The following PDE4B variants were observed in gnomAD, a reference collection of about 807,000 sequenced individuals.
PDE4B encodes the protein 3',5'-cyclic-AMP phosphodiesterase 4B.
In PDE4B, 20 loss-of-function variants were observed where a neutral mutation model predicts 82.2. That is an observed-to-expected ratio of 0.24 (90% CI 0.17 to 0.35). The LOEUF (loss-of-function observed/expected upper bound fraction) is 0.35, where lower values mean the gene tolerates loss of function less well. Ranked by LOEUF, PDE4B falls within the 10% of genes least tolerant of loss-of-function variation. The pLI is 1.00. For missense variants in PDE4B, 655 were observed against 907.2 expected (o/e 0.72, Z 3.57); for synonymous variants, 320 against 318.9 (o/e 1.00, Z -0.04).
Position 66,001,618 on chromosome 1 carries a change from C to T in PDE4B, c.281+82783C>T, listed in dbSNP as rs1368629691. Reference sequence around the variant, plus strand: ...TATGAATAAAGGTGATATAAACATTCATGTATGGTTTTCTGGGTAAACATA... The same window carrying T: ...TATGAATAAAGGTGATATAAACATTTATGTATGGTTTTCTGGGTAAACATA... On this transcript the variant is annotated intron_variant, in intron 3 of 16. Coordinates refer to ENST00000341517, the MANE Select transcript of PDE4B (RefSeq NM_002600.4). Among the ~76,000 whole-genome samples, 5 of 152,266 alleles carry T rather than the reference C, an allele frequency of 3.3e-5. No individual in the cohort carries two copies. The East Asian group carries it at 9.6e-4, about 29-fold the overall frequency.
chr1:66,070,527 A>G (rs1165291543), intron 3 of PDE4B, among the ~76,000 whole-genome samples: 3 of 152,064 alleles, frequency 2.0e-5, no homozygotes, highest in Non-Finnish European at 4.4e-5. Context: ...GCTATTCTGA[A>G]TTCATCTTTG....
At chr1:65,899,007 C>G (rs1646941871) in intron 1 of PDE4B, among the ~76,000 whole-genome samples, 1 of 152,148 alleles carries the variant, frequency 6.6e-6, no homozygotes, top group South Asian at 2.1e-4. Flanking sequence ...GCAAAAGGAA[C>G]AGTCAGCAGA....
intron 1 of PDE4B, among the ~76,000 whole-genome samples, chr1:65,864,417 G>A (rs1162272446): frequency 6.6e-6 from 1 of 152,070 alleles, no homozygotes; most frequent in African/African-American, 2.4e-5. Flanking sequence ...GAGAGGAGTT[G>A]CGATCATTTG....
At chr1:66,129,135 A>C (rs1397383646) in intron 3 of PDE4B, among the ~76,000 whole-genome samples, 1 of 152,238 alleles carries the variant, frequency 6.6e-6, no homozygotes, top group Non-Finnish European at 1.5e-5. Context: ...GAGTGTTTGC[A>C]TCTAGAGACG....
chr1:66,054,942 A>G (rs1655221369), intron 3 of PDE4B, among the ~76,000 whole-genome samples: 1 of 152,126 alleles, frequency 6.6e-6, no homozygotes, highest in African/African-American at 2.4e-5. Flanking sequence ...TTCAGATTGG[A>G]GAGAAGGGAG....
At chr1:66,130,090 A>C (rs1348468272) in intron 3 of PDE4B, among the ~76,000 whole-genome samples, 1 of 152,228 alleles carries the variant, frequency 6.6e-6, no homozygotes, top group Non-Finnish European at 1.5e-5. Context: ...TATCTAACTC[A>C]TCCCACATGG....
intron 7 of PDE4B, among the ~76,000 whole-genome samples, chr1:66,287,154 G>A (rs1374909606): frequency 6.6e-6 from 1 of 152,156 alleles, no homozygotes; most frequent in Non-Finnish European, 1.5e-5. Context: ...AAAGTGGATG[G>A]TGGTTTTCTT....
intron 3 of PDE4B, among the ~76,000 whole-genome samples, chr1:66,020,065 A>G (rs970227642): frequency 3.3e-5 from 5 of 152,246 alleles, no homozygotes; most frequent in Non-Finnish European, 7.3e-5. Context: ...ATATATTGAT[A>G]CATATAGGCA....
intron 6 of PDE4B, among the ~76,000 whole-genome samples, chr1:66,260,266 C>T (rs1017796645): frequency 1.3e-5 from 2 of 152,192 alleles, no homozygotes; most frequent in African/African-American, 4.8e-5. Context: ...CAGTGGGCAA[C>T]AGAGTTTTCC....
At chr1:66,118,162 G>GT (rs1423554912) in intron 3 of PDE4B, among the ~76,000 whole-genome samples, 3 of 152,038 alleles carry the variant, frequency 2.0e-5, no homozygotes, top group Non-Finnish European at 4.4e-5. Flanking sequence ...GGGGTTGTTT[G>GT]TTTTTTTCTT....
chr1:66,236,591 A>G (rs1652474005), intron 3 of PDE4B, among the ~76,000 whole-genome samples: 1 of 151,962 alleles, frequency 6.6e-6, no homozygotes, highest in Non-Finnish European at 1.5e-5. Flanking sequence ...TTTACTAGTT[A>G]TTTTTTGTTT....
chr1:66,024,964 A>G (rs1653355449), intron 3 of PDE4B, among the ~76,000 whole-genome samples: 1 of 151,962 alleles, frequency 6.6e-6, no homozygotes, highest in African/African-American at 2.4e-5. Context: ...AACTAAATAG[A>G]TGTTTTTAAA....
intron 3 of PDE4B, among the ~76,000 whole-genome samples, chr1:66,106,384 T>G (rs1645356446): frequency 6.6e-6 from 1 of 152,174 alleles, no homozygotes; most frequent in South Asian, 2.1e-4. Flanking sequence ...ATCAAGGATA[T>G]TGGTCTAAAT....
At chr1:65,874,577 G>A (rs557374893) in intron 1 of PDE4B, among the ~76,000 whole-genome samples, 9 of 152,170 alleles carry the variant, frequency 5.9e-5, no homozygotes, top group Non-Finnish European at 1.0e-4. Context: ...AAAACAGCAC[G>A]GTACTGGTAC....
chr1:66,151,533 G>A (rs982171306), intron 3 of PDE4B, among the ~76,000 whole-genome samples: 1 of 152,106 alleles, frequency 6.6e-6, no homozygotes, highest in Non-Finnish European at 1.5e-5. Flanking sequence ...CTTATTTCAT[G>A]ACTTTGTTCA....
chr1:65,986,699 C>T (rs186047659), intron 3 of PDE4B, among the ~76,000 whole-genome samples: 3 of 152,160 alleles, frequency 2.0e-5, no homozygotes, highest in African/African-American at 4.8e-5. Flanking sequence ...ATTACAGGAT[C>T]GAACAAACAA....
At chr1:66,294,441 C>A (rs1197877878) in intron 7 of PDE4B, among the ~76,000 whole-genome samples, 1 of 152,100 alleles carries the variant, frequency 6.6e-6, no homozygotes, top group Non-Finnish European at 1.5e-5. Context: ...GCCATCAAAT[C>A]TAATTAATTT....
intron 3 of PDE4B, among the ~76,000 whole-genome samples, chr1:65,937,678 C>G (rs1360237684): frequency 2.6e-5 from 4 of 152,156 alleles, no homozygotes; most frequent in African/African-American, 9.7e-5. Context: ...TTCACAAAGT[C>G]TCTTCTGTGA....
chr1:66,118,414 C>T (rs977948242), intron 3 of PDE4B, among the ~76,000 whole-genome samples: 24 of 152,184 alleles, frequency 1.6e-4, no homozygotes, highest in Admixed American at 1.4e-3. Context: ...AGTTCATGTC[C>T]TTTGTAGGGA....
Sources: gnomAD v4.1 joint callset for allele counts (sites outside exome capture counted in the v4.1 genomes callset) on GRCh38, gnomAD v4.1.1 for gene constraint, MANE v1.5 for transcripts, NCBI Gene and HGNC (gene_info 2026-07-23, HGNC 2026-07-21) for gene names.